DMD: variants seen among roughly 807,000 people sequenced by gnomAD.
DMD encodes mutant dystrophin.
In DMD, 63 loss-of-function variants were observed where a neutral mutation model predicts 330.1. The observed-to-expected ratio is 0.19, with a 90% CI of 0.16 to 0.24. The LOEUF is 0.24. Ranked by LOEUF, DMD falls within the 10% of genes least tolerant of loss-of-function variation. The pLI is 1.00. For synonymous variants in DMD, 1,223 were observed against 959.8 expected, an observed-to-expected ratio of 1.27 and a Z score of -5.07; for missense variants, 3,344 against 2,684.1, an observed-to-expected ratio of 1.25 and a Z score of -5.43.
At chrX:31,584,530 C>G (rs1435063144) in intron 55 of DMD, among the ~76,000 whole-genome samples, 2 of 111,638 alleles carry the variant, frequency 1.8e-5, no homozygotes, top group Non-Finnish European at 3.8e-5. Context: ...CACTGCAGCA[C>G]TATTCACAAT....
intron 66 of DMD, among the ~76,000 whole-genome samples, chrX:31,204,864 C>T (rs1004483172): frequency 1.8e-5 from 2 of 112,209 alleles, no homozygotes; most frequent in African/African-American, 6.5e-5. Context: ...TCAAGTGATC[C>T]TCCTACCTCG....
At chrX:32,167,126 T>C (rs995063121) in intron 44 of DMD, among the ~76,000 whole-genome samples, 27 of 111,936 alleles carry the variant, frequency 2.4e-4, no homozygotes, top group Middle Eastern at 4.6e-3. Flanking sequence ...CTCTATTCCC[T>C]GGAATCACCA....
intron 60 of DMD, among the ~76,000 whole-genome samples, chrX:31,350,593 G>GTA (rs2058336395): frequency 3.6e-5 from 2 of 55,945 alleles, no homozygotes; most frequent in Non-Finnish European, 7.3e-5. Context: ...AATGTGGTAC[G>GTA]TGTGTGTGTG....
intron 55 of DMD, among the ~76,000 whole-genome samples, chrX:31,528,273 C>A (rs751112615): frequency 8.9e-6 from 1 of 111,875 alleles, no homozygotes; most frequent in African/African-American, 3.3e-5. Flanking sequence ...TTTCTCATCT[C>A]TTTTGTCCCT....
intron 55 of DMD, among the ~76,000 whole-genome samples, chrX:31,617,809 A>G (rs933510528): frequency 6.3e-5 from 7 of 111,478 alleles, no homozygotes; most frequent in Non-Finnish European, 1.3e-4. Context: ...AATACCAAAG[A>G]CATGGAATCA....
intron 1 of DMD, among the ~76,000 whole-genome samples, chrX:33,311,188 T>G (rs1251054449): frequency 9.1e-6 from 1 of 109,934 alleles, no homozygotes; most frequent in Non-Finnish European, 1.9e-5. Flanking sequence ...TATGTATGCA[T>G]ACACACATAC....
chrX:31,678,215 C>T (rs2082185869), intron 53 of DMD, among the ~76,000 whole-genome samples: 1 of 111,837 alleles, frequency 8.9e-6, no homozygotes, highest in African/African-American at 3.2e-5. Context: ...GAAATGGAAG[C>T]CATTTCATCC....
intron 2 of DMD, among the ~76,000 whole-genome samples, chrX:32,891,841 G>C (rs766205999): frequency 9.0e-6 from 1 of 111,706 alleles, no homozygotes; most frequent in South Asian, 3.8e-4. Flanking sequence ...TGCTGCCATA[G>C]TCTGATTTGA....
chrX:32,944,665 C>A (rs1454610827), intron 2 of DMD, among the ~76,000 whole-genome samples: 1 of 105,968 alleles, frequency 9.4e-6, no homozygotes, highest in Non-Finnish European at 1.9e-5. Flanking sequence ...AGTGCAGTGG[C>A]GAAATCTCAG....
At chrX:31,899,326 T>C (rs1475385421) in intron 47 of DMD, among the ~76,000 whole-genome samples, 3 of 88,742 alleles carry the variant, frequency 3.4e-5, no homozygotes, top group African/African-American at 1.5e-4. Context: ...TCTAGTCTTT[T>C]GAAGAACAGG....
intron 27 of DMD, among the ~76,000 whole-genome samples, chrX:32,444,498 A>G (rs995671085): frequency 4.5e-5 from 5 of 111,408 alleles, no homozygotes; most frequent in Admixed American, 9.5e-5. Flanking sequence ...TAGTTGTAAC[A>G]AATGGTAGAA....
At chrX:31,831,630 A>G (rs749893435) in intron 49 of DMD, among the ~76,000 whole-genome samples, 78 of 111,088 alleles carry the variant, frequency 7.0e-4, no homozygotes, top group East Asian at 1.1e-3. Context: ...ATGGAGTCTC[A>G]CTCTGTCACC....
At chrX:32,442,549 GGT>G (rs1388213852) in intron 27 of DMD, among the ~76,000 whole-genome samples, 1 of 110,005 alleles carries the variant, frequency 9.1e-6, no homozygotes, top group Admixed American at 9.6e-5. Context: ...ATTGTTGGTG[GGT>G]GTGTGTACTG....
intron 1 of DMD, among the ~76,000 whole-genome samples, chrX:33,036,131 C>A (rs6653594): frequency 0.072 from 7,897 of 110,128 alleles, 694 homozygotes; most frequent in African/African-American, 0.25. Context: ...ATAAAGAGAG[C>A]GAGAGAGAGA....
chrX:32,032,616 G>A (rs768881276), intron 44 of DMD, among the ~76,000 whole-genome samples: 31 of 111,769 alleles, frequency 2.8e-4, no homozygotes, highest in Admixed American at 7.6e-4. Flanking sequence ...ATAAAAGCTC[G>A]ATGTGGTTAT....
chrX:32,144,831 G>A (rs752071941), intron 44 of DMD, among the ~76,000 whole-genome samples: 3 of 111,102 alleles, frequency 2.7e-5, no homozygotes, highest in East Asian at 2.8e-4. Context: ...TCAGGAGTTC[G>A]AGACCAGCCT....
chrX:32,616,317 C>G (rs1412689620), intron 11 of DMD, among the ~76,000 whole-genome samples: 3 of 110,906 alleles, frequency 2.7e-5, no homozygotes, highest in Non-Finnish European at 5.7e-5. Context: ...GTTACATTCC[C>G]TCTCCGTGAG....
At chrX:32,134,523 A>G (rs1299471385) in intron 44 of DMD, among the ~76,000 whole-genome samples, 2 of 111,075 alleles carry the variant, frequency 1.8e-5, no homozygotes, top group African/African-American at 6.6e-5. Flanking sequence ...GGCAAGGCAC[A>G]GAAGCGGGGA....
chrX:31,359,763 T>C (rs1477468218), intron 60 of DMD, among the ~76,000 whole-genome samples: 1 of 111,699 alleles, frequency 9.0e-6, no homozygotes, highest in Non-Finnish European at 1.9e-5. Context: ...AGAATGAACA[T>C]CACTATGAGG....
Sources: gnomAD v4.1 joint callset for allele counts (sites outside exome capture counted in the v4.1 genomes callset) on GRCh38, gnomAD v4.1.1 for gene constraint, MANE v1.5 for transcripts, NCBI Gene and HGNC (gene_info 2026-07-23, HGNC 2026-07-21) for gene names.